Variants in AKAP6 observed in about 807,000 individuals in gnomAD.
AKAP6 encodes the protein A-kinase anchoring protein 6.
A neutral mutation model predicts 188.5 loss-of-function variants in AKAP6; 58 were observed. The observed-to-expected ratio is 0.31, with a 90% CI of 0.25 to 0.38. The LOEUF (loss-of-function observed/expected upper bound fraction) is 0.38. Ranked by LOEUF, AKAP6 falls within the 10% of genes least tolerant of loss-of-function variation. The pLI is 1.00. For missense variants in AKAP6, 2,710 were observed against 2,740.0 expected, an observed-to-expected ratio of 0.99 and a Z score of 0.24; for synonymous variants, 989 against 998.6, an observed-to-expected ratio of 0.99 and a Z score of 0.18.
chr14:32,609,467 C>T (rs1439789969), intron 7 of AKAP6, among the ~76,000 whole-genome samples: 3 of 152,072 alleles, frequency 2.0e-5, no homozygotes, highest in Non-Finnish European at 2.9e-5. Flanking sequence ...TTGGAGGTCC[C>T]GCCGGGCAGA....
intron 1 of AKAP6, among the ~76,000 whole-genome samples, chr14:32,411,129 T>C (rs1399924565): frequency 3.3e-5 from 5 of 152,120 alleles, no homozygotes; most frequent in African/African-American, 1.2e-4. Context: ...TTGTCATGAC[T>C]GGAGAGGTCG....
At chr14:32,519,276 A>G (rs1881691629) in intron 2 of AKAP6, among the ~76,000 whole-genome samples, 1 of 152,240 alleles carries the variant, frequency 6.6e-6, no homozygotes, top group Non-Finnish European at 1.5e-5. Context: ...CTAGGAAGTA[A>G]CTGCATCAAC....
chr14:32,629,151 G>T (rs1424579867), intron 7 of AKAP6, among the ~76,000 whole-genome samples: 1 of 151,952 alleles, frequency 6.6e-6, no homozygotes, highest in Non-Finnish European at 1.5e-5. Context: ...AAACAAAATC[G>T]TCCATACCTA....
chr14:32,525,597 G>A (rs886494620), intron 2 of AKAP6, among the ~76,000 whole-genome samples: 1 of 152,226 alleles, frequency 6.6e-6, no homozygotes, highest in Non-Finnish European at 1.5e-5. Flanking sequence ...AATCAAAGCA[G>A]GAGGTGACCC....
intron 2 of AKAP6, among the ~76,000 whole-genome samples, chr14:32,467,864 G>A (rs1019742070): frequency 5.3e-5 from 8 of 151,928 alleles, no homozygotes; most frequent in African/African-American, 1.7e-4. Context: ...GCCATTACAT[G>A]TTAAATTTTC....
intron 1 of AKAP6, among the ~76,000 whole-genome samples, chr14:32,354,842 A>G (rs1887425418): frequency 6.6e-6 from 1 of 152,148 alleles, no homozygotes; most frequent in South Asian, 2.1e-4. Flanking sequence ...CTGTTTGCCT[A>G]GTGTCCTTTT....
rs1555338051 is a variant in AKAP6 at position 32,540,131 on chromosome 14, G to GCTCGCT, written c.576+4329_576+4330insGCTCTC. Reference sequence around the variant, plus strand: ...AAGGAGGGGTGTTCTTTGCTCGTGCGCTCTCTCTCTCTCTCTCTCTCTCTC... The same window carrying GCTCGCT: ...AAGGAGGGGTGTTCTTTGCTCGTGCGCTCGCTCTCTCTCTCTCTCTCTCTCTCTCTC... On this transcript the variant is annotated intron_variant, in intron 3 of 13. Transcript: ENST00000280979. Among the ~76,000 whole-genome samples the GCTCGCT allele has an allele frequency of 5.9e-4, 39 of 66,480 alleles. 1 individual carries two copies. Among genetic ancestry groups the GCTCGCT allele is most frequent in the African/African-American group, 3.2e-3 (37 of 11,612 alleles). The allele number at this position is 66,480 out of a possible 152,430, so 43.6% of individuals were successfully genotyped here.
chr14:32,466,751 AAAAG>A (rs1878464933), intron 2 of AKAP6, among the ~76,000 whole-genome samples: 1 of 148,952 alleles, frequency 6.7e-6, no homozygotes, highest in Non-Finnish European at 1.5e-5. Context: ...AAAAAAAAAA[AAAAG>A]AGATATATTA....
At chr14:32,413,174 AATT>A (rs1362977558) in intron 1 of AKAP6, among the ~76,000 whole-genome samples, 3,344 of 130,960 alleles carry the variant, frequency 0.026, 72 homozygotes, top group African/African-American at 0.07. Context: ...TATTTATTGA[AATT>A]TTTTTTTTTT....
intron 1 of AKAP6, among the ~76,000 whole-genome samples, chr14:32,357,390 A>G (rs1008654047): frequency 3.9e-5 from 6 of 152,226 alleles, no homozygotes; most frequent in African/African-American, 7.2e-5. Flanking sequence ...TCAGCCAACC[A>G]TGTCTGTTTT....
intron 1 of AKAP6, among the ~76,000 whole-genome samples, chr14:32,398,113 C>T (rs1182949517): frequency 6.6e-6 from 1 of 152,230 alleles, no homozygotes. Context: ...AGAACTCCCT[C>T]TGCCCTTTAT....
intron 11 of AKAP6, among the ~76,000 whole-genome samples, chr14:32,741,844 T>C (rs948781465): frequency 7.3e-6 from 1 of 137,842 alleles, no homozygotes; most frequent in African/African-American, 2.9e-5. Context: ...TTTTTTTTTT[T>C]AGTGCGTCTC....
At chr14:32,762,988 T>C (rs993897273) in intron 11 of AKAP6, among the ~76,000 whole-genome samples, 1 of 152,104 alleles carries the variant, frequency 6.6e-6, no homozygotes, top group African/African-American at 2.4e-5. Flanking sequence ...AAAGACTTAC[T>C]GAAAATATTT....
rs191151696 is a variant in AKAP6 at position 32,617,738 on chromosome 14, G to A, written c.2730+16946G>A. Among the ~76,000 whole-genome samples, 322 of 152,270 alleles carry A rather than the reference G, an allele frequency of 2.1e-3. 3 individuals carry two copies. The highest frequency in any genetic ancestry group is 7.2e-3 in the African/African-American group (300 of 41,558). On this transcript the variant is annotated intron_variant, in intron 7 of 13. Transcript: ENST00000280979. Reference sequence around the variant, plus strand: ...CCTCCCAGGTTTGAGTGATTCTTGTGCCTTGGCCTCCCAAGTAGCTGGGAC... The same window carrying A: ...CCTCCCAGGTTTGAGTGATTCTTGTACCTTGGCCTCCCAAGTAGCTGGGAC...
chr14:32,480,577 G>T (rs1194565469), intron 2 of AKAP6, among the ~76,000 whole-genome samples: 5 of 152,148 alleles, frequency 3.3e-5, no homozygotes. Flanking sequence ...AAGCAGTTTG[G>T]TGATTTAGTA....
At chr14:32,442,632 C>T (rs1163480485) in intron 2 of AKAP6, 1 of 111,994 alleles carries the variant, frequency 8.9e-6, no homozygotes, top group African/African-American at 4.2e-5. Context: ...TAGCAAGATC[C>T]CGTCTCTTAA....
intron 7 of AKAP6, among the ~76,000 whole-genome samples, chr14:32,624,924 G>A (rs1408563316): frequency 1.3e-5 from 2 of 152,072 alleles, no homozygotes; most frequent in Non-Finnish European, 2.9e-5. Flanking sequence ...ATATATTTAT[G>A]AAGGGTTTGT....
intron 5 of AKAP6, among the ~76,000 whole-genome samples, chr14:32,583,008 C>T (rs1265662356): frequency 5.3e-5 from 8 of 152,214 alleles, no homozygotes; most frequent in South Asian, 2.1e-4. Context: ...CATTCTCCTA[C>T]CAGCTTTATT....
chr14:32,745,533 C>G (rs1046569089), intron 11 of AKAP6, among the ~76,000 whole-genome samples: 8 of 151,252 alleles, frequency 5.3e-5, no homozygotes, highest in Admixed American at 6.6e-5. Flanking sequence ...GTCTCTCTCT[C>G]TGTTATGAGC....
Sources: allele counts gnomAD v4.1 joint callset (sites outside exome capture counted in the v4.1 genomes callset), GRCh38; gene constraint gnomAD v4.1.1; transcripts MANE v1.5; gene names NCBI Gene and HGNC (gene_info 2026-07-23, HGNC 2026-07-21).